Variants in AKT3 observed in about 807,000 individuals in gnomAD.
AKT3 encodes the protein AKT serine/threonine kinase 3.
Under a neutral mutation model 65.3 loss-of-function variants are expected in AKT3, and 15 were observed. That is an observed-to-expected ratio of 0.23 (90% CI 0.15 to 0.35). The LOEUF is 0.35. Among genes scored for constraint, AKT3 ranks in the 10% least tolerant of loss-of-function variants. The probability of loss-of-function intolerance (pLI) is 1.00; values close to 1 mark genes in which losing one functional copy is unlikely to be tolerated. For synonymous variants in AKT3, 206 were observed against 183.8 expected, an observed-to-expected ratio of 1.12 and a Z score of -0.98; for missense variants, 243 against 576.5, an observed-to-expected ratio of 0.42 and a Z score of 5.92.
chr1:243,789,136 G>A (rs1691457435), intron 2 of AKT3, among the ~76,000 whole-genome samples: 2 of 152,226 alleles, frequency 1.3e-5, no homozygotes, highest in Admixed American at 1.3e-4. Flanking sequence ...CCAGCACTCT[G>A]GGAGGCCAAA....
At chr1:243,764,482 T>A (rs1475070521) in intron 2 of AKT3, among the ~76,000 whole-genome samples, 1 of 152,088 alleles carries the variant, frequency 6.6e-6, no homozygotes, top group East Asian at 1.9e-4. Flanking sequence ...CTTAAAAGTA[T>A]AATACACAAA....
intron 2 of AKT3, among the ~76,000 whole-genome samples, chr1:243,723,127 T>G (rs946713270): frequency 5.3e-5 from 8 of 152,292 alleles, no homozygotes; most frequent in African/African-American, 1.9e-4. Flanking sequence ...AACTAAAAAC[T>G]CAATCACAAT....
At chr1:243,746,531 T>C (rs929858115) in intron 2 of AKT3, among the ~76,000 whole-genome samples, 3 of 152,208 alleles carry the variant, frequency 2.0e-5, no homozygotes, top group African/African-American at 4.8e-5. Context: ...CTTGGGTTAT[T>C]TGTCCCCTCA....
chr1:243,804,661 A>G (rs1692611279), intron 2 of AKT3, among the ~76,000 whole-genome samples: 1 of 152,166 alleles, frequency 6.6e-6, no homozygotes, highest in South Asian at 2.1e-4. Context: ...CCTGGCTAAC[A>G]CAGTGAAACC....
chr1:243,496,014 A>C (rs1305594063), downstream of AKT3, among the ~76,000 whole-genome samples: 2 of 152,242 alleles, frequency 1.3e-5, no homozygotes, highest in African/African-American at 4.8e-5. Flanking sequence ...AGAAAAAGAA[A>C]GAACCAGCTT....
At chr1:243,742,503 T>C (rs1465218977) in intron 2 of AKT3, among the ~76,000 whole-genome samples, 1 of 152,088 alleles carries the variant, frequency 6.6e-6, no homozygotes, top group African/African-American at 2.4e-5. Context: ...TGGGTGTCTG[T>C]AATTCCAGCT....
At chr1:243,629,484 C>T (rs1360464332) in intron 6 of AKT3, among the ~76,000 whole-genome samples, 2 of 151,794 alleles carry the variant, frequency 1.3e-5, no homozygotes, top group African/African-American at 4.8e-5. Flanking sequence ...ATCTGGGTCC[C>T]CAAAATAAGT....
intron 2 of AKT3, among the ~76,000 whole-genome samples, chr1:243,810,922 A>T (rs1223373870): frequency 1.3e-5 from 2 of 152,152 alleles, no homozygotes; most frequent in Non-Finnish European, 2.9e-5. Flanking sequence ...CAACGACAAA[A>T]ACCATGATTA....
chr1:243,816,327 A>G (rs1204350269), intron 2 of AKT3, among the ~76,000 whole-genome samples: 1 of 152,188 alleles, frequency 6.6e-6, no homozygotes, highest in Non-Finnish European at 1.5e-5. Context: ...AGTTTCACTA[A>G]AACATGTAAA....
intron 3 of AKT3, among the ~76,000 whole-genome samples, chr1:243,668,748 G>GT (rs1255040182): frequency 2.6e-5 from 4 of 152,158 alleles, no homozygotes; most frequent in Non-Finnish European, 4.4e-5. Context: ...CTTTAACCAA[G>GT]TAAGTTTGTC....
intron 8 of AKT3, among the ~76,000 whole-genome samples, chr1:243,606,956 A>G (rs1472135718): frequency 2.0e-5 from 3 of 152,240 alleles, no homozygotes; most frequent in African/African-American, 7.2e-5. Context: ...AGCCCCAAGC[A>G]TTGGCAGCTT....
chr1:243,824,628 T>C (rs1694055606), intron 2 of AKT3, among the ~76,000 whole-genome samples: 1 of 151,670 alleles, frequency 6.6e-6, no homozygotes, highest in African/African-American at 2.4e-5. Flanking sequence ...AAGGCATACA[T>C]GCAGCCAACA....
intron 5 of AKT3, among the ~76,000 whole-genome samples, chr1:243,645,531 G>T (rs74991926): frequency 2.6e-5 from 4 of 152,080 alleles, no homozygotes; most frequent in African/African-American, 7.2e-5. Flanking sequence ...CGTGCTTTTC[G>T]GGAGAATACG....
chr1:243,498,851 C>T (rs967404840), downstream of AKT3, among the ~76,000 whole-genome samples: 4 of 152,286 alleles, frequency 2.6e-5, no homozygotes, highest in African/African-American at 4.8e-5. Context: ...GAAAGAGGGA[C>T]CAGATTGGGC....
chr1:243,744,690 G>A (rs896100746), intron 2 of AKT3, among the ~76,000 whole-genome samples: 4 of 143,296 alleles, frequency 2.8e-5, no homozygotes, highest in Admixed American at 2.2e-4. Context: ...AGTGAGCCGA[G>A]ATCGCGCCCC....
chr1:243,540,287 T>C (rs1320594381), intron 12 of AKT3, among the ~76,000 whole-genome samples: 1 of 152,040 alleles, frequency 6.6e-6, no homozygotes, highest in African/African-American at 2.4e-5. Flanking sequence ...TTCACTCAAC[T>C]TTGGAAAATC....
downstream of AKT3, among the ~76,000 whole-genome samples, chr1:243,497,680 T>G (rs1238570044): frequency 2.6e-5 from 4 of 152,160 alleles, no homozygotes; most frequent in Non-Finnish European, 4.4e-5. Flanking sequence ...GCAACACATT[T>G]TACTTTTACT....
At position 243,500,484 on chromosome 1, in the gene AKT3, T is replaced by TATCA. The variant is rs1336311216; in HGVS notation, c.*4761_*4764dup. ...GAAATTAGAAAATTTACTTAGAGTA[T>TATCA]ATCAAATATCTGTACACAGATAATT... On this transcript the variant is annotated 3_prime_UTR_variant, in exon 14 of 14. Transcript: ENST00000673466. 8.8e-6 allele frequency: 2 copies of TATCA among 226,148 alleles called. No homozygotes were observed. Among genetic ancestry groups the TATCA allele is most frequent in the East Asian group, 6.4e-5 (1 of 15,544 alleles). 14.0% of individuals were successfully genotyped at this position (226,148 alleles called of 1,614,324 possible). A position where few individuals can be genotyped will look rare whatever the true frequency, so the allele number is the denominator to read the frequency against.
chr1:243,501,214 CCCCAT>C lies in AKT3; in HGVS notation c.*4030_*4034del, dbSNP rs1170147931. ...TTTATGAGGTAAAATCAGAAAAAGGCCCCATCCAGAATGATTCAACGTGAAGTCAG... is the reference window on the plus strand; with the variant it reads ...TTTATGAGGTAAAATCAGAAAAAGGCCCAGAATGATTCAACGTGAAGTCAG... On this transcript the variant is annotated 3_prime_UTR_variant, in exon 14 of 14. Coordinates refer to ENST00000673466, the MANE Select transcript of AKT3 (RefSeq NM_005465.7). 4.3e-6 allele frequency: 1 copy of C among 232,378 alleles called. No homozygotes were observed. Among genetic ancestry groups the C allele is most frequent in the African/African-American group, 2.2e-5 (1 of 45,418 alleles). The allele number at this position is 232,378 out of a possible 1,614,324, so 14.4% of individuals were successfully genotyped here.
Sources: gnomAD v4.1 joint callset for allele counts (sites outside exome capture counted in the v4.1 genomes callset) on GRCh38, gnomAD v4.1.1 for gene constraint, MANE v1.5 for transcripts, NCBI Gene and HGNC (gene_info 2026-07-23, HGNC 2026-07-21) for gene names.